The following TMEM63A variants were observed in gnomAD, a reference collection of about 807,000 sequenced individuals.
TMEM63A encodes the protein mechanosensitive cation channel TMEM63A.
A neutral mutation model predicts 100.6 loss-of-function variants in TMEM63A; 76 were observed. The observed-to-expected ratio is 0.76, with a 90% CI of 0.63 to 0.91. The LOEUF (loss-of-function observed/expected upper bound fraction) is 0.91. Ranked by LOEUF, TMEM63A falls within the 40% of genes least tolerant of loss-of-function variation. The probability of loss-of-function intolerance (pLI) is 0.00; values close to 1 mark genes in which losing one functional copy is unlikely to be tolerated. For synonymous variants in TMEM63A, 401 were observed against 401.1 expected, an observed-to-expected ratio of 1.00 and a Z score of 0.00; for missense variants, 876 against 1,008.8, an observed-to-expected ratio of 0.87 and a Z score of 1.78.
Position 225,856,956 on chromosome 1 carries a change from G to A in TMEM63A, c.1439C>T (p.Pro480Leu), listed in dbSNP as rs1183450420. The A allele has an allele frequency of 1.2e-6, 2 of 1,603,916 alleles. No homozygotes were observed. The highest frequency in any genetic ancestry group is 1.7e-6 in the Non-Finnish European group (2 of 1,177,350). The change falls in exon 16 of 25, where the codon CCC becomes CTC. Residue 480 changes from proline to leucine, a missense_variant. This residue lies in a region of TMEM63A where 487 missense variants were observed against 581.9 expected (regional missense o/e 0.84). Transcript: ENST00000366835. ...CAGTGTAGAGTAGTAGACAATGGAG[G>A]GGAGCAGGGCCGAGAAGGACCAGAG... is the stretch of plus-strand genomic sequence containing the variant. Reference protein sequence around the residue: ...LLLWSFSALLPSIVYYSTLLE... With the variant: ...LLLWSFSALLLSIVYYSTLLE...
chr1:225,842,265 A>G, downstream of TMEM63A: 3 of 909,242 alleles, frequency 3.3e-6, no homozygotes, highest in South Asian at 1.3e-5. Context: ...CTTCCTGCAC[A>G]CAGCCCCGCC....
In TMEM63A at chr1:225,866,532, G is replaced by A. The variant is rs758589329; in HGVS notation, c.675+42C>T. 3.2e-6 allele frequency: 5 copies of A among 1,580,440 alleles called. No homozygotes were observed. In the Admixed American group the frequency reaches 5.1e-5, roughly 16 times the overall value. Reference sequence around the variant, plus strand: ...GGCCCTTCCACTCCGACTCCCACCTGAGTCCCTCCCAGCACATGTCCCTAA... The same window carrying A: ...GGCCCTTCCACTCCGACTCCCACCTAAGTCCCTCCCAGCACATGTCCCTAA... On this transcript the variant is annotated intron_variant, in intron 9 of 24. Coordinates refer to ENST00000366835, the MANE Select transcript of TMEM63A (RefSeq NM_014698.3).
chr1:225,878,946 G>A (rs960999901), intron 2 of TMEM63A, among the ~76,000 whole-genome samples: 6 of 151,528 alleles, frequency 4.0e-5, no homozygotes, highest in African/African-American at 1.2e-4. Context: ...GCATGAATGA[G>A]TGGAAAGCCC....
intron 15 of TMEM63A, among the ~76,000 whole-genome samples, chr1:225,858,947 AATGTGTGT>A (rs1317782618): frequency 6.5e-5 from 8 of 122,934 alleles, no homozygotes; most frequent in African/African-American, 2.2e-4. Flanking sequence ...ATATACATAT[AATGTGTGT>A]GTGTGTGTGT....
chr1:225,861,221 C>A (rs1427702320), intron 13 of TMEM63A: 2 of 386,918 alleles, frequency 5.2e-6, no homozygotes, highest in Non-Finnish European at 9.2e-6. Flanking sequence ...GAGTACGATT[C>A]CCATTTTACA....
intron 20 of TMEM63A, among the ~76,000 whole-genome samples, chr1:225,851,373 ATTTTT>A (rs1002125538): frequency 6.6e-6 from 1 of 151,738 alleles, no homozygotes; most frequent in African/African-American, 2.4e-5. Context: ...TTGTTTTTTT[ATTTTT>A]TATTTTTTTT....
intron 18 of TMEM63A, among the ~76,000 whole-genome samples, chr1:225,854,118 A>G (rs962655012): frequency 3.5e-5 from 5 of 142,058 alleles, no homozygotes; most frequent in African/African-American, 1.2e-4. Context: ...GGGTTGGAGG[A>G]GCCTTTCTAA....
chr1:225,859,255 A>C lies in TMEM63A; in HGVS notation c.1318T>G (p.Ser440Ala). Residue 440 changes from serine to alanine, a missense_variant, in exon 15 of 25, where the codon TCC (serine) becomes GCC (alanine). Ser to Ala is a moderately conservative substitution (Grantham distance 99, BLOSUM62 1). Around this residue, in one of 5 missense-constraint regions of TMEM63A, gnomAD observed 487 missense variants for 581.9 expected, o/e 0.84. Coordinates refer to ENST00000366835, the MANE Select transcript of TMEM63A (RefSeq NM_014698.3). ...FLGLFFLTTP[S>A]IILSTMDKFN... is the part of the protein sequence containing the mutation. Reference sequence around the variant, plus strand: ...TTGTCCATGGTGGACAGGATGATGGAGGGTGTGGTCAGGAAAAATAGCCCC... The same window carrying C: ...TTGTCCATGGTGGACAGGATGATGGCGGGTGTGGTCAGGAAAAATAGCCCC... 3 of 1,614,054 alleles carry C rather than the reference A, an allele frequency of 1.9e-6. No homozygotes were observed. In the South Asian group the frequency reaches 3.3e-5, roughly 18 times the overall value.
rs1669657545 is a variant in TMEM63A, at chr1:225,857,024, G to A, written c.1378-7C>T. Reference sequence around the variant, plus strand: ...ACTGGCTGATGATCGGGTTCTAGGAGAAAGGTCCACAGCAGAGAGAGTCAC... The same window carrying A: ...ACTGGCTGATGATCGGGTTCTAGGAAAAAGGTCCACAGCAGAGAGAGTCAC... On this transcript the variant is annotated splice_region_variant and splice_polypyrimidine_tract_variant and intron_variant, in intron 15 of 24. Coordinates refer to ENST00000366835, the MANE Select transcript of TMEM63A (RefSeq NM_014698.3). The A allele has an allele frequency of 4.4e-6, 7 of 1,576,492 alleles. No homozygotes were observed. The highest frequency in any genetic ancestry group is 6.0e-6 in the Non-Finnish European group (7 of 1,167,288).
intron 6 of TMEM63A, among the ~76,000 whole-genome samples, chr1:225,869,891 G>A (rs1351719740): frequency 6.6e-6 from 1 of 151,332 alleles, no homozygotes; most frequent in Non-Finnish European, 1.5e-5. Flanking sequence ...TTGAACTCCT[G>A]ACCTCGTGAT....
chr1:225,845,035 C>T, downstream of TMEM63A: 3 of 1,172,372 alleles, frequency 2.6e-6, no homozygotes, highest in Non-Finnish European at 3.8e-6. Flanking sequence ...TTTATGGCTC[C>T]TTGTGGGTGG....
downstream of TMEM63A, chr1:225,845,089 A>G: frequency 6.3e-7 from 1 of 1,584,898 alleles, no homozygotes; most frequent in Non-Finnish European, 8.7e-7. Flanking sequence ...CCTGCTGTGC[A>G]GGACGGAGGG....
At position 225,845,707 on chromosome 1, in the gene TMEM63A, G is replaced by T. The variant is rs1328702803; in HGVS notation, c.*1232C>A. Reference sequence around the variant, plus strand: ...CACTGGCCAGGGCTATGCTGCACCAGACCAATGGCACCGCCCCCACCCCTC... The same window carrying T: ...CACTGGCCAGGGCTATGCTGCACCATACCAATGGCACCGCCCCCACCCCTC... On this transcript the variant is annotated 3_prime_UTR_variant, in exon 25 of 25. Transcript: ENST00000366835. 5.2e-6 allele frequency: 2 copies of T among 388,014 alleles called. No individual in the cohort carries two copies. The highest frequency in any genetic ancestry group is 5.0e-5 in the South Asian group (2 of 40,382). The allele number at this position is 388,014 out of a possible 1,614,324, so 24.0% of individuals were successfully genotyped here.
At chr1:225,850,815 C>T (rs1669290297) in intron 20 of TMEM63A, among the ~76,000 whole-genome samples, 1 of 152,090 alleles carries the variant, frequency 6.6e-6, no homozygotes, top group Non-Finnish European at 1.5e-5. Context: ...GGGTTCATGC[C>T]ATTCTTCTGC....
downstream of TMEM63A, chr1:225,845,004 G>A (rs1668819287): frequency 7.5e-6 from 7 of 933,076 alleles, no homozygotes; most frequent in South Asian, 8.2e-5. Context: ...GAGCGGTTGA[G>A]ACCCTGGATT....
In TMEM63A at chr1:225,860,882, C is replaced by A. The variant is rs763812477; in HGVS notation, c.1201G>T (p.Ala401Ser). Residue 401 changes from alanine to serine, a missense_variant, in exon 14 of 25, where the codon GCT becomes TCT. Coordinates refer to ENST00000366835, the MANE Select transcript of TMEM63A (RefSeq NM_014698.3). ...TACCAGCAGATGTCCTCAGGGTCAG[C>A]AGCAAAGGTGACTGTCCACTTGGAG... ...YTSKWTVTFAADPEDICWKNL... is the reference protein window; with the variant it reads ...YTSKWTVTFASDPEDICWKNL... 1.2e-6 allele frequency: 2 copies of A among 1,611,142 alleles called. No individual in the cohort carries two copies. The highest frequency in any genetic ancestry group is 1.7e-6 in the Non-Finnish European group (2 of 1,178,720).
chr1:225,848,331 G>A, intron 23 of TMEM63A, 161 bp downstream of exon 23: 1 of 681,824 alleles, frequency 1.5e-6, no homozygotes, highest in Admixed American at 2.9e-5. Flanking sequence ...AAATACCCAG[G>A]GGGACCAGGA....
Position 225,856,909 on chromosome 1 carries a change from A to C in TMEM63A, c.1484+2T>G. 1 of 1,610,392 alleles carries C rather than the reference A, an allele frequency of 6.2e-7. No individual in the cohort carries two copies. Among genetic ancestry groups the C allele is most frequent in the Non-Finnish European group, 8.5e-7 (1 of 1,178,884 alleles). ...AGGGCCTCGGGGCTCCCGGGCACTCACTTGGTCCAGTGAGACTCCAGCAGT... is the reference window on the plus strand; with the variant it reads ...AGGGCCTCGGGGCTCCCGGGCACTCCCTTGGTCCAGTGAGACTCCAGCAGT... On this transcript the variant is annotated splice_donor_variant, in intron 16 of 24. Transcript: ENST00000366835. LOFTEE classifies it high-confidence loss of function.
Position 225,848,962 on chromosome 1 carries a change from TGGTGAGCAGCAGCACCAGGAA to T in TMEM63A, c.2101_2121del (p.Phe701_Thr707del). ...CAGGTGTGAGCCAGGCAGACCAGGATGGTGAGCAGCAGCACCAGGAAGGTGAACAGAGTGGCGGGGGCCTTC... is the reference window on the plus strand; with the variant it reads ...CAGGTGTGAGCCAGGCAGACCAGGATGGTGAACAGAGTGGCGGGGGCCTTC... On this transcript the variant is annotated inframe_deletion, in exon 22 of 25. Transcript: ENST00000366835. 1 of 1,535,972 alleles carries T rather than the reference TGGTGAGCAGCAGCACCAGGAA, an allele frequency of 6.5e-7. No homozygotes were observed. Among genetic ancestry groups the T allele is most frequent in the Non-Finnish European group, 8.8e-7 (1 of 1,133,992 alleles).
Sources: allele counts gnomAD v4.1 joint callset (sites outside exome capture counted in the v4.1 genomes callset), GRCh38; gene constraint gnomAD v4.1.1; regional missense constraint gnomAD v4.1.1; transcripts MANE v1.5; gene names NCBI Gene and HGNC (gene_info 2026-07-23, HGNC 2026-07-21).